Variants in RTN4IP1 observed in about 807,000 individuals in gnomAD.
The protein encoded by RTN4IP1 is reticulon 4 interacting protein 1.
In RTN4IP1, 32 loss-of-function variants were observed where a neutral mutation model predicts 46.6. That is an observed-to-expected ratio of 0.69 (90% confidence interval 0.52 to 0.92). The LOEUF (loss-of-function observed/expected upper bound fraction) is 0.92, where lower values mean the gene tolerates loss of function less well. Ranked by LOEUF, RTN4IP1 falls within the 40% of genes least tolerant of loss-of-function variation. The pLI is 0.00. For synonymous variants in RTN4IP1, 167 were observed against 161.8 expected (o/e 1.03, Z -0.24); for missense variants, 424 against 485.8 (o/e 0.87, Z 1.20).
chr6:106,614,693 G>A (rs1776306089), intron 4 of RTN4IP1, among the ~76,000 whole-genome samples: 1 of 152,156 alleles, frequency 6.6e-6, no homozygotes, highest in Non-Finnish European at 1.5e-5. Flanking sequence ...GTTCAACAAT[G>A]CCAGCTACTT....
chr6:106,595,951 A>C (rs1775780254), intron 5 of RTN4IP1, among the ~76,000 whole-genome samples: 1 of 152,228 alleles, frequency 6.6e-6, no homozygotes, highest in African/African-American at 2.4e-5. Flanking sequence ...GTTCCCTATC[A>C]AATTCCAAAA....
intron 6 of RTN4IP1, among the ~76,000 whole-genome samples, chr6:106,589,449 A>C (rs1203992985): frequency 6.6e-6 from 1 of 151,854 alleles, no homozygotes; most frequent in Non-Finnish European, 1.5e-5. Flanking sequence ...TTCATTTCCA[A>C]GTTTTGAATG....
At chr6:106,622,378 C>CG (rs941601227) in intron 2 of RTN4IP1, among the ~76,000 whole-genome samples, 1 of 152,022 alleles carries the variant, frequency 6.6e-6, no homozygotes, top group Admixed American at 6.6e-5. Context: ...CTTGGAAGGC[C>CG]GGGGGTGTTG....
At chr6:106,627,141 G>GAAAA (rs11387767) in intron 1 of RTN4IP1, among the ~76,000 whole-genome samples, 1 of 146,878 alleles carries the variant, frequency 6.8e-6, no homozygotes, top group African/African-American at 2.5e-5. Flanking sequence ...AAAGGTAGGA[G>GAAAA]AAAAAAAAAA....
At chr6:106,604,036 C>A (rs1776003703) in intron 4 of RTN4IP1, among the ~76,000 whole-genome samples, 1 of 152,144 alleles carries the variant, frequency 6.6e-6, no homozygotes. Context: ...TTAACATCAC[C>A]GTAAATTGAG....
At chr6:106,615,665 A>C (rs898898) in intron 4 of RTN4IP1, among the ~76,000 whole-genome samples, 1 of 151,788 alleles carries the variant, frequency 6.6e-6, no homozygotes, top group Non-Finnish European at 1.5e-5. Flanking sequence ...GTCAAACAGA[A>C]TGAAGTACAA....
chr6:106,604,897 G>A (rs1449614819), intron 4 of RTN4IP1, among the ~76,000 whole-genome samples: 2 of 152,074 alleles, frequency 1.3e-5, no homozygotes, highest in African/African-American at 4.8e-5. Context: ...CACCAACACT[G>A]ACAGTGACCC....
chr6:106,607,950 T>C (rs1397870704), intron 4 of RTN4IP1: 1 of 152,184 alleles, frequency 6.6e-6, no homozygotes, highest in Non-Finnish European at 1.5e-5. Flanking sequence ...AGTAAAACTA[T>C]CGTAAGATCC....
chr6:106,629,623 C>T (rs1299013824), upstream of RTN4IP1: 5 of 1,565,452 alleles, frequency 3.2e-6, no homozygotes, highest in East Asian at 2.4e-5. Context: ...CACTAGCGAC[C>T]GGTGACCTCT....
chr6:106,618,944 G>A (rs539952684), intron 4 of RTN4IP1, among the ~76,000 whole-genome samples: 1 of 152,088 alleles, frequency 6.6e-6, no homozygotes, highest in South Asian at 2.1e-4. Context: ...ATTTTAGAAG[G>A]TTCTGACTCC....
chr6:106,600,391 GTTTGT>G (rs1476863456), intron 5 of RTN4IP1, among the ~76,000 whole-genome samples: 3 of 152,068 alleles, frequency 2.0e-5, no homozygotes, highest in African/African-American at 7.2e-5. Context: ...GGAACTTTTG[GTTTGT>G]TTTGTTTTAT....
At chr6:106,609,745 C>T (rs1338300384) in intron 4 of RTN4IP1, among the ~76,000 whole-genome samples, 3 of 152,166 alleles carry the variant, frequency 2.0e-5, no homozygotes, top group Admixed American at 6.5e-5. Flanking sequence ...ACATCTCCGA[C>T]CTCATTATTG....
chr6:106,592,280 A>G lies in RTN4IP1; in HGVS notation c.690T>C (p.Ala230=). 1 of 1,614,116 alleles carries G rather than the reference A, an allele frequency of 6.2e-7. No individual in the cohort carries two copies. The highest frequency in any genetic ancestry group is 8.5e-7 in the Non-Finnish European group (1 of 1,180,002). The change falls in exon 6 of 9, where the codon GCT becomes GCC. Residue 230 remains alanine (A), a synonymous_variant. Transcript: ENST00000369063. ...FAIQVMKAWD[A]HVTAVCSQDA... Reference sequence around the variant, plus strand: ...CTTGGGAGCAAACTGCTGTCACATGAGCATCCCATGCTTTCATTACCTGCC... The same window carrying G: ...CTTGGGAGCAAACTGCTGTCACATGGGCATCCCATGCTTTCATTACCTGCC...
chr6:106,616,026 CT>C (rs1243728525), intron 4 of RTN4IP1, among the ~76,000 whole-genome samples: 1 of 152,032 alleles, frequency 6.6e-6, no homozygotes, highest in Non-Finnish European at 1.5e-5. Flanking sequence ...TCAAATGATC[CT>C]CCTGCCTCAG....
At chr6:106,583,227 TACCTC>T in intron 8 of RTN4IP1, 96 bp downstream of exon 8, 1 of 853,606 alleles carries the variant, frequency 1.2e-6, no homozygotes, top group Non-Finnish European at 1.9e-6. Flanking sequence ...GTGAGCAGGC[TACCTC>T]TGTAGAGTCC....
intron 7 of RTN4IP1, among the ~76,000 whole-genome samples, chr6:106,584,116 TTTAA>T (rs566518173): frequency 1.6e-3 from 237 of 152,336 alleles, no homozygotes; most frequent in Middle Eastern, 6.8e-3. Flanking sequence ...TCTTTGTTTA[TTTAA>T]TTGAGAAAGG....
At chr6:106,607,842 T>C (rs1265441127) in intron 4 of RTN4IP1, 1 of 152,052 alleles carries the variant, frequency 6.6e-6, no homozygotes, top group Non-Finnish European at 1.5e-5. Flanking sequence ...AAAATAAATA[T>C]TGGAAAAGAT....
chr6:106,599,437 T>A (rs1463949363), intron 5 of RTN4IP1, among the ~76,000 whole-genome samples: 1 of 140,108 alleles, frequency 7.1e-6, no homozygotes. Flanking sequence ...GGACCTTTAG[T>A]GTAACCCTTT....
chr6:106,621,564 T>C, intron 2 of RTN4IP1, 71 bp from the exon 3 acceptor site: 1 of 1,292,478 alleles, frequency 7.7e-7, no homozygotes, highest in Non-Finnish European at 1.1e-6. Context: ...AGCAAGAAAG[T>C]GTTCCCTAAT....
Sources: gnomAD v4.1 joint callset for allele counts (sites outside exome capture counted in the v4.1 genomes callset) on GRCh38, gnomAD v4.1.1 for gene constraint, MANE v1.5 for transcripts, NCBI Gene and HGNC (gene_info 2026-07-23, HGNC 2026-07-21) for gene names.